The following SERPINI1 variants were observed in gnomAD, a reference collection of about 807,000 sequenced individuals.
The protein encoded by SERPINI1 is neuroserpin.
In SERPINI1, 19 loss-of-function variants were observed where a neutral mutation model predicts 41.1. That is an observed-to-expected ratio of 0.46 (90% CI 0.32 to 0.68). The LOEUF (loss-of-function observed/expected upper bound fraction) is 0.68. Ranked by LOEUF, SERPINI1 falls within the 30% of genes least tolerant of loss-of-function variation. SERPINI1 has a pLI of 0.03. For missense variants in SERPINI1, 460 were observed against 479.2 expected, an observed-to-expected ratio of 0.96 and a Z score of 0.37; for synonymous variants, 138 against 156.6, an observed-to-expected ratio of 0.88 and a Z score of 0.89.
chr3:167,770,508 C>CT (rs1301364393), intron 1 of SERPINI1, among the ~76,000 whole-genome samples: 1 of 151,806 alleles, frequency 6.6e-6, no homozygotes, highest in Admixed American at 6.6e-5. Flanking sequence ...GTTTTTATTC[C>CT]TCAAAATTTT....
At chr3:167,745,729 T>A (rs979264821) in intron 1 of SERPINI1, among the ~76,000 whole-genome samples, 2 of 152,144 alleles carry the variant, frequency 1.3e-5, no homozygotes, top group Admixed American at 6.5e-5. Flanking sequence ...GGATAGAAGA[T>A]CGATATAAAG....
intron 1 of SERPINI1, among the ~76,000 whole-genome samples, chr3:167,762,898 C>T (rs768734357): frequency 4.6e-5 from 7 of 152,022 alleles, no homozygotes; most frequent in East Asian, 3.9e-4. Context: ...GCCTCCTTTA[C>T]GAACAAATTG....
intron 1 of SERPINI1, among the ~76,000 whole-genome samples, chr3:167,737,535 GTTAT>G (rs1447947215): frequency 6.6e-6 from 1 of 152,006 alleles, no homozygotes; most frequent in African/African-American, 2.4e-5. Context: ...GTTTGCCCTT[GTTAT>G]TTGTGATTAA....
intron 1 of SERPINI1, among the ~76,000 whole-genome samples, chr3:167,782,041 C>A (rs1451714130): frequency 6.6e-6 from 1 of 152,110 alleles, no homozygotes; most frequent in Admixed American, 6.5e-5. Flanking sequence ...CATAGCTAAC[C>A]TACTTCTACC....
intron 1 of SERPINI1, among the ~76,000 whole-genome samples, chr3:167,765,145 C>A (rs577073913): frequency 6.6e-6 from 1 of 152,340 alleles, no homozygotes; most frequent in Admixed American, 6.5e-5. Flanking sequence ...CACATATCCA[C>A]TAGACAGTGC....
chr3:167,785,693 G>T (rs1302189610), intron 1 of SERPINI1, among the ~76,000 whole-genome samples: 1 of 152,112 alleles, frequency 6.6e-6, no homozygotes, highest in African/African-American at 2.4e-5. Context: ...CTCATGGTAC[G>T]TTCATTTGTA....
chr3:167,753,094 T>A (rs550309758), intron 1 of SERPINI1, among the ~76,000 whole-genome samples: 37 of 152,238 alleles, frequency 2.4e-4, no homozygotes, highest in African/African-American at 8.9e-4. Flanking sequence ...CAGGGCCCAG[T>A]ACACAGTGGA....
At chr3:167,798,223 A>G (rs1727776708) in intron 5 of SERPINI1, among the ~76,000 whole-genome samples, 1 of 152,128 alleles carries the variant, frequency 6.6e-6, no homozygotes, top group South Asian at 2.1e-4. Context: ...CCTAAGAGAT[A>G]CTCTTCAATT....
At chr3:167,740,402 A>T (rs1725638581) in intron 1 of SERPINI1, among the ~76,000 whole-genome samples, 1 of 152,178 alleles carries the variant, frequency 6.6e-6, no homozygotes, top group African/African-American at 2.4e-5. Flanking sequence ...TTCTCACCAG[A>T]TACTTAGTAT....
intron 1 of SERPINI1, among the ~76,000 whole-genome samples, chr3:167,762,093 G>T (rs74533508): frequency 0.022 from 3,380 of 152,232 alleles, 111 homozygotes; most frequent in African/African-American, 0.077. Context: ...CTATTTCACA[G>T]AGAAAAGGGA....
At chr3:167,796,304 T>C (rs972514487) in intron 5 of SERPINI1, among the ~76,000 whole-genome samples, 22 of 151,780 alleles carry the variant, frequency 1.4e-4, no homozygotes, top group African/African-American at 5.1e-4. Context: ...ATGTTATATA[T>C]TCATAATATA....
At chr3:167,760,904 A>G (rs565832151) in intron 1 of SERPINI1, among the ~76,000 whole-genome samples, 1 of 152,308 alleles carries the variant, frequency 6.6e-6, no homozygotes, top group African/African-American at 2.4e-5. Flanking sequence ...CAGGGTGGGT[A>G]GTTTTGGATC....
At chr3:167,821,608 C>T (rs996931613) in intron 6 of SERPINI1, among the ~76,000 whole-genome samples, 2 of 152,156 alleles carry the variant, frequency 1.3e-5, no homozygotes, top group African/African-American at 2.4e-5. Context: ...GTGTGGGATC[C>T]GGGCTGGTAG....
At chr3:167,793,590 A>G (rs1383837499) in intron 4 of SERPINI1, among the ~76,000 whole-genome samples, 1 of 103,358 alleles carries the variant, frequency 9.7e-6, no homozygotes, top group African/African-American at 4.7e-5. Context: ...ATATATATAT[A>G]TATATATTTT....
chr3:167,770,297 T>C (rs949999958), intron 1 of SERPINI1, among the ~76,000 whole-genome samples: 1 of 152,048 alleles, frequency 6.6e-6, no homozygotes, highest in Non-Finnish European at 1.5e-5. Context: ...GAATTTATTT[T>C]GATTTGAAGT....
intron 4 of SERPINI1, among the ~76,000 whole-genome samples, chr3:167,793,596 A>ATATATATTTT: frequency 2.3e-4 from 33 of 140,618 alleles, no homozygotes; most frequent in Admixed American, 2.3e-3. Context: ...ATATATATAT[A>ATATATATTTT]TTTTTAATTA....
At chr3:167,772,832 C>T (rs1726808077) in intron 1 of SERPINI1, among the ~76,000 whole-genome samples, 1 of 14,156 alleles carries the variant, frequency 7.1e-5, no homozygotes, top group African/African-American at 3.0e-4. Flanking sequence ...GACTCTCTCT[C>T]TCTCTCTCTC....
At chr3:167,760,797 T>C (rs568091430) in intron 1 of SERPINI1, among the ~76,000 whole-genome samples, 2 of 152,128 alleles carry the variant, frequency 1.3e-5, no homozygotes, top group Admixed American at 1.3e-4. Flanking sequence ...AAGGGAGATG[T>C]AAGGCATTAA....
At position 167,825,410 on chromosome 3, in the gene SERPINI1, A is replaced by G. The variant is rs1712486520; in HGVS notation, c.*87A>G. On this transcript the variant is annotated 3_prime_UTR_variant, in exon 9 of 9. Transcript: ENST00000446050. ...ATATTTAGGATTTGTGTTTTACAGT[A>G]TATCTTAAGATAATATTTAAAATAG... The G allele has an allele frequency of 2.4e-6, 2 of 818,632 alleles. No individual in the cohort carries two copies. Among genetic ancestry groups the G allele is most frequent in the Non-Finnish European group, 2.1e-6 (1 of 467,672 alleles). The allele number at this position is 818,632 out of a possible 1,614,324, so 50.7% of individuals were successfully genotyped here. A position where few individuals can be genotyped will look rare whatever the true frequency, so the allele number is the denominator to read the frequency against.
Sources: allele counts gnomAD v4.1 joint callset (sites outside exome capture counted in the v4.1 genomes callset), GRCh38; gene constraint gnomAD v4.1.1; transcripts MANE v1.5; gene names NCBI Gene and HGNC (gene_info 2026-07-23, HGNC 2026-07-21).